Variants in CHCHD4 observed in about 807,000 individuals in gnomAD.
CHCHD4 encodes the protein coiled-coil-helix-coiled-coil-helix domain containing 4, also known as mitochondrial intermembrane space import and assembly protein 40.
A neutral mutation model predicts 12.4 loss-of-function variants in CHCHD4; 7 were observed. That is an observed-to-expected ratio of 0.57 (90% CI 0.32 to 1.06). The LOEUF (loss-of-function observed/expected upper bound fraction) is 1.06. Ranked by LOEUF, CHCHD4 falls within the 50% of genes least tolerant of loss-of-function variation. CHCHD4 has a pLI of 0.04. For synonymous variants in CHCHD4, 56 were observed against 58.0 expected, an observed-to-expected ratio of 0.97 and a Z score of 0.16; for missense variants, 143 against 175.1, an observed-to-expected ratio of 0.82 and a Z score of 1.03.
chr3:14,121,831 A>C (rs1354701808), intron 1 of CHCHD4: 1 of 1,607,772 alleles, frequency 6.2e-7, no homozygotes, highest in African/African-American at 1.3e-5. Context: ...CCCCATACAG[A>C]ATCAAGTGTC....
chr3:14,118,755 A>G (rs2607762), intron 1 of CHCHD4, among the ~76,000 whole-genome samples: 96,139 of 152,160 alleles, frequency 0.63, 31,760 homozygotes, highest in African/African-American at 0.84. Flanking sequence ...AGTAACCTTG[A>G]TTCTACTATT....
chr3:14,114,253 C>T (rs114995436), intron 2 of CHCHD4, among the ~76,000 whole-genome samples: 3,840 of 152,256 alleles, frequency 0.025, 175 homozygotes, highest in African/African-American at 0.088. Context: ...AAAATGGGGA[C>T]AGCAAGGACG....
Position 14,124,685 on chromosome 3 carries a change from C to T in CHCHD4, c.-9G>A, listed in dbSNP as rs1694986688. On this transcript the variant is annotated 5_prime_UTR_variant, in exon 1 of 3. Transcript: ENST00000396914. Reference sequence around the variant, plus strand: ...TGCCGGCAATAGGACATGGCTGCAGCCCGTCCCTGAGACCTTGCAGAAGCG... The same window carrying T: ...TGCCGGCAATAGGACATGGCTGCAGTCCGTCCCTGAGACCTTGCAGAAGCG... 2.0e-6 allele frequency: 3 copies of T among 1,528,592 alleles called. No homozygotes were observed. Among genetic ancestry groups the T allele is most frequent in the Admixed American group, 2.1e-5 (1 of 47,632 alleles). The allele number at this position is 1,528,592 out of a possible 1,614,324, so 94.7% of individuals were successfully genotyped here.
chr3:14,124,823 G>A lies in CHCHD4; in HGVS notation c.-147C>T, dbSNP rs563508747. The A allele has an allele frequency of 2.3e-5, 22 of 969,156 alleles. No individual in the cohort carries two copies. Among genetic ancestry groups the A allele is most frequent in the South Asian group, 1.2e-4 (7 of 58,556 alleles). The allele number at this position is 969,156 out of a possible 1,614,324, so 60.0% of individuals were successfully genotyped here. A position where few individuals can be genotyped will look rare whatever the true frequency, so the allele number is the denominator to read the frequency against. On this transcript the variant is annotated 5_prime_UTR_variant, in exon 1 of 3. Transcript: ENST00000396914. ...TCCCAGGCCTGCCCGCCGCGCGCCTGCCTCGGCGCCCTCGCAACCGCGGCC... is the reference window on the plus strand; with the variant it reads ...TCCCAGGCCTGCCCGCCGCGCGCCTACCTCGGCGCCCTCGCAACCGCGGCC...
chr3:14,117,780 C>G (rs189184548), intron 1 of CHCHD4, among the ~76,000 whole-genome samples: 1 of 152,262 alleles, frequency 6.6e-6, no homozygotes, highest in Non-Finnish European at 1.5e-5. Flanking sequence ...TGGTGGTGAG[C>G]CTGAGGCTGT....
rs550991970 is a variant in CHCHD4, at chr3:14,112,392, A to G, written c.*495T>C. 2 of 154,658 alleles carry G rather than the reference A, an allele frequency of 1.3e-5. No individual in the cohort carries two copies. Among genetic ancestry groups the G allele is most frequent in the Non-Finnish European group, 2.9e-5 (2 of 69,422 alleles). The allele number at this position is 154,658 out of a possible 1,614,324, so 9.6% of individuals were successfully genotyped here. A position where few individuals can be genotyped will look rare whatever the true frequency, so the allele number is the denominator to read the frequency against. ...CAGGAATAAAGTACAGTACCCCTTC[A>G]CATACTCAAGGTCAAGATGGGTTTG... On this transcript the variant is annotated 3_prime_UTR_variant, in exon 3 of 3. Coordinates refer to ENST00000396914, the MANE Select transcript of CHCHD4 (RefSeq NM_001098502.2).
Position 14,124,641 on chromosome 3 carries a change from C to T in CHCHD4, c.22+14G>A. 6.6e-7 allele frequency: 1 copy of T among 1,513,706 alleles called. No individual in the cohort carries two copies. 93.8% of individuals were successfully genotyped at this position (1,513,706 alleles called of 1,614,324 possible). On this transcript the variant is annotated intron_variant, in intron 1 of 2. Coordinates refer to ENST00000396914, the MANE Select transcript of CHCHD4 (RefSeq NM_001098502.2). ...CCTCGTAGGCCGGTCTCCGTGGCAG[C>T]CCGCCCTCCCTACCTTCCTGCCGGC...
In CHCHD4 at chr3:14,124,772, TC is replaced by T. The variant is rs1026444797; in HGVS notation, c.-97del. 1.8e-4 allele frequency: 249 copies of T among 1,365,864 alleles called. 1 individual carries two copies. The East Asian group carries it at 6.4e-3, about 35-fold the overall frequency. The allele number at this position is 1,365,864 out of a possible 1,614,324, so 84.6% of individuals were successfully genotyped here. A position where few individuals can be genotyped will look rare whatever the true frequency, so the allele number is the denominator to read the frequency against. On this transcript the variant is annotated 5_prime_UTR_variant, in exon 1 of 3. Coordinates refer to ENST00000396914, the MANE Select transcript of CHCHD4 (RefSeq NM_001098502.2). ...CCTCTCCTCTGGCAGGGCGGGCTCC[TC>T]CGAAGCCCGCGCGGACCCGCCCCCT...
chr3:14,123,690 G>C lies in CHCHD4; in HGVS notation c.22+965C>G, dbSNP rs539627763. Among the ~76,000 whole-genome samples the C allele has an allele frequency of 2.0e-5, 3 of 152,184 alleles. No individual in the cohort carries two copies. The South Asian group carries it at 6.2e-4, about 32-fold the overall frequency. ...CCATCCATCCCCCTTCTCTGGCGCA[G>C]AGAAGGTGCTTCATGAGTATTTGCC... On this transcript the variant is annotated intron_variant, in intron 1 of 2. Coordinates refer to ENST00000396914, the MANE Select transcript of CHCHD4 (RefSeq NM_001098502.2).
At chr3:14,115,357 CT>C (rs1559356352) in intron 2 of CHCHD4, among the ~76,000 whole-genome samples, 6 of 137,064 alleles carry the variant, frequency 4.4e-5, no homozygotes, top group Non-Finnish European at 8.8e-5. Flanking sequence ...TTTAATAACA[CT>C]GTGAGGCAAA....
intron 1 of CHCHD4, among the ~76,000 whole-genome samples, chr3:14,120,789 G>A (rs772583633): frequency 1.4e-3 from 218 of 152,308 alleles, no homozygotes; most frequent in Middle Eastern, 3.4e-3. Flanking sequence ...AGGGCTTGAA[G>A]ACCCAAGTGT....
chr3:14,116,390 C>G (rs2607747), intron 2 of CHCHD4, 36 bp downstream of exon 2: 187,053 of 1,374,126 alleles, frequency 0.14, 15,727 homozygotes, highest in African/African-American at 0.37. Flanking sequence ...CCCCAGTGCC[C>G]TGGTGTGGGT....
At chr3:14,120,427 G>A (rs867367748) in intron 1 of CHCHD4, among the ~76,000 whole-genome samples, 5 of 152,116 alleles carry the variant, frequency 3.3e-5, no homozygotes, top group Non-Finnish European at 7.3e-5. Context: ...CTGAGCACAT[G>A]CCTACCTCTG....
chr3:14,116,235 A>G (rs1028605744), intron 2 of CHCHD4, among the ~76,000 whole-genome samples, 191 bp downstream of exon 2: 4 of 152,250 alleles, frequency 2.6e-5, no homozygotes, highest in African/African-American at 7.2e-5. Context: ...AGTACATCAG[A>G]ACAAGGCTGG....
intron 1 of CHCHD4, among the ~76,000 whole-genome samples, chr3:14,118,312 T>C (rs1486511808): frequency 6.6e-6 from 1 of 152,250 alleles, no homozygotes; most frequent in Non-Finnish European, 1.5e-5. Flanking sequence ...CGGGCATCTC[T>C]GATCACTTTA....
At chr3:14,116,895 C>T (rs531592925) in intron 1 of CHCHD4, among the ~76,000 whole-genome samples, 1 of 152,372 alleles carries the variant, frequency 6.6e-6, no homozygotes, top group South Asian at 2.1e-4. Flanking sequence ...CTCTGAAAGG[C>T]TGAGGACACA....
chr3:14,121,340 G>A (rs538608854), intron 1 of CHCHD4, among the ~76,000 whole-genome samples: 3 of 152,308 alleles, frequency 2.0e-5, no homozygotes, highest in East Asian at 1.9e-4. Flanking sequence ...CCGAGATGAC[G>A]CTACTCCTGC....
chr3:14,113,175 T>G lies in CHCHD4; in HGVS notation c.141A>C (p.Gly47=). 6.2e-7 allele frequency: 1 copy of G among 1,609,292 alleles called. No homozygotes were observed. The highest frequency in any genetic ancestry group is 8.5e-7 in the Non-Finnish European group (1 of 1,177,508). Residue 47 remains glycine (G), a synonymous_variant, in exon 3 of 3, where the codon GGA becomes GGC. Transcript: ENST00000396914. ...YEEHGLILPN[G]NINWNCPCLG... ...GGCATGGGCAGTTCCAGTTAATGTT[T>G]CCATTTGGCAGTATCAATCCTAGAA... is the stretch of plus-strand genomic sequence containing the variant.
At chr3:14,124,022 A>C (rs1318357422) in intron 1 of CHCHD4, among the ~76,000 whole-genome samples, 1 of 152,222 alleles carries the variant, frequency 6.6e-6, no homozygotes, top group Non-Finnish European at 1.5e-5. Flanking sequence ...TTGCTGGCTG[A>C]GTGGCTTTAG....
Sources: allele counts gnomAD v4.1 joint callset (sites outside exome capture counted in the v4.1 genomes callset), GRCh38; gene constraint gnomAD v4.1.1; transcripts MANE v1.5; gene names NCBI Gene and HGNC (gene_info 2026-07-23, HGNC 2026-07-21).